GPR33: variants seen among roughly 807,000 people sequenced by gnomAD.
GPR33 encodes probable G protein-coupled receptor 33.
GPR33 carries 4 observed loss-of-function variants against 3.1 expected under a neutral mutation model. The observed-to-expected ratio is 1.29, with a 90% confidence interval of 0.64 to 2.96. The LOEUF (loss-of-function observed/expected upper bound fraction) is 2.96, where lower values mean the gene tolerates loss of function less well. Among genes scored for constraint, GPR33 ranks in the 30% most tolerant of loss-of-function variants. GPR33 has a pLI of 0.01. For missense variants in GPR33, 390 were observed against 388.9 expected, an observed-to-expected ratio of 1.00 and a Z score of -0.02; for synonymous variants, 138 against 142.0, an observed-to-expected ratio of 0.97 and a Z score of 0.20.
At position 31,483,089 on chromosome 14, in the gene GPR33, T is replaced by C. The variant is rs1170320352; in HGVS notation, c.877A>G (p.Ile293Val). ...LTVLTTSFNT[I>V]FSPTLYLFVG... ...AATAAGTAGAGTGTGGGAGAAAAGA[T>C]AGTATTGAAAGAAGTGGTTAGCACT... Residue 293 changes from isoleucine (I) to valine (V), a missense_variant, in exon 2 of 2, where the codon ATC becomes GTC. Ile to Val is a conservative substitution (Grantham distance 29). Transcript: ENST00000399285. 2.6e-6 allele frequency: 4 copies of C among 1,535,930 alleles called. No individual in the cohort carries two copies. Among genetic ancestry groups the C allele is most frequent in the African/African-American group, 2.7e-5 (2 of 73,042 alleles).
intron 1 of GPR33, among the ~76,000 whole-genome samples, chr14:31,484,357 C>T (rs1302040742): frequency 6.6e-6 from 1 of 152,044 alleles, no homozygotes; most frequent in African/African-American, 2.4e-5. Context: ...TTACAGCTCA[C>T]TCAGCCTCAA....
In GPR33 at chr14:31,487,441, T is replaced by TG. The variant is rs573139651; in HGVS notation, c.-7+455_-7+456insC. Among the ~76,000 whole-genome samples the TG allele has an allele frequency of 7.6e-3, 1,008 of 132,208 alleles. 21 individuals are homozygous for TG. Among genetic ancestry groups the TG allele is most frequent in the East Asian group, 0.053 (252 of 4,726 alleles). The allele number at this position is 132,208 out of a possible 152,430, so 86.7% of individuals were successfully genotyped here. ...CCTGCTAAGCCCCTCAGTTTTTTTT[T>TG]TTTTTTTTTTTTTTTTCAGATGGAG... On this transcript the variant is annotated intron_variant, in intron 1 of 1. Transcript: ENST00000399285.
At position 31,485,615 on chromosome 14, in the gene GPR33, G is replaced by C. The variant is rs543035692; in HGVS notation, c.-6-1644C>G. 3.2e-4 allele frequency among the ~76,000 whole-genome samples: 48 copies of C among 148,166 alleles called. No homozygotes were observed. In the East Asian group the frequency reaches 7.8e-3, roughly 24 times the overall value. On this transcript the variant is annotated intron_variant, in intron 1 of 1. Coordinates refer to ENST00000399285, the MANE Select transcript of GPR33 (RefSeq NM_001197184.3). Reference sequence around the variant, plus strand: ...GATGGTGCCCCTGCATTCCAGCCTGGTGACAGAGCGAGACTCTGTCTCAAA... The same window carrying C: ...GATGGTGCCCCTGCATTCCAGCCTGCTGACAGAGCGAGACTCTGTCTCAAA...
At position 31,483,446 on chromosome 14, in the gene GPR33, T is replaced by G; in HGVS notation, c.520A>C (p.Lys174Gln). 1 of 1,536,156 alleles carries G rather than the reference T, an allele frequency of 6.5e-7. No individual in the cohort carries two copies. The highest frequency in any genetic ancestry group is 1.4e-5 in the African/African-American group (1 of 73,176). Reference protein sequence around the residue: ...LIFRETHHDRKGKVTCQNNYA... With the variant: ...LIFRETHHDRQGKVTCQNNYA... ...TTATTTTGGCAAGTCACCTTTCCTT[T>G]ACGGTCATGATGTGTCTCTCTGAAA... The change falls in exon 2 of 2, where the codon AAA becomes CAA. Residue 174 changes from lysine to glutamine, a missense_variant. Coordinates refer to ENST00000399285, the MANE Select transcript of GPR33 (RefSeq NM_001197184.3).
chr14:31,486,435 A>T (rs2032419943), intron 1 of GPR33, among the ~76,000 whole-genome samples: 1 of 152,218 alleles, frequency 6.6e-6, no homozygotes. Flanking sequence ...TCCTAAGTTA[A>T]TTCTGCCTTC....
chr14:31,484,440 C>T (rs898376108), intron 1 of GPR33, among the ~76,000 whole-genome samples: 3 of 151,976 alleles, frequency 2.0e-5, no homozygotes, highest in East Asian at 1.9e-4. Flanking sequence ...ACTACCAGGC[C>T]GGATAATTTT....
intron 1 of GPR33, among the ~76,000 whole-genome samples, chr14:31,487,396 A>G (rs2139381116): frequency 6.7e-6 from 1 of 148,384 alleles, no homozygotes; most frequent in South Asian, 2.1e-4. Context: ...AAGTTCAGAT[A>G]ACTTGTTGAG....
Position 31,483,924 on chromosome 14 carries a change from A to G in GPR33, c.42T>C (p.Ser14=). 6.5e-7 allele frequency: 1 copy of G among 1,535,830 alleles called. No individual in the cohort carries two copies. The highest frequency in any genetic ancestry group is 8.7e-7 in the Non-Finnish European group (1 of 1,146,804). The change falls in exon 2 of 2, where the codon TCT becomes TCC. Residue 14 remains serine (S), a synonymous_variant. Transcript: ENST00000399285. ...ACTGAGTGCTGTTTCTTACTAAAGT[A>G]GAGGCATTGATCAGGTAATCAGTAG... ...INSTDYLINA[S]TLVRNSTQFL...
intron 1 of GPR33, among the ~76,000 whole-genome samples, chr14:31,485,546 A>G (rs2032410198): frequency 6.6e-6 from 1 of 151,326 alleles, no homozygotes; most frequent in Non-Finnish European, 1.5e-5. Flanking sequence ...AGGCAGGACA[A>G]TCGCTTGAAC....
rs1372394212 is a variant in GPR33, at chr14:31,483,845, T to C, written c.121A>G (p.Ile41Val). 3 of 1,536,098 alleles carry C rather than the reference T, an allele frequency of 2.0e-6. No individual in the cohort carries two copies. The highest frequency in any genetic ancestry group is 2.6e-6 in the Non-Finnish European group (3 of 1,146,890). ...IIALSLYISS[I>V]IGTITNGLYL... is the part of the protein sequence containing the mutation. ...AGGCCATTGGTGATGGTACCAATTA[T>C]AGATGAAATGTACAAAGAAAGGGCA... The change falls in exon 2 of 2, where the codon ATA becomes GTA. Residue 41 changes from isoleucine to valine, a missense_variant. Ile to Val is a conservative substitution (Grantham distance 29). Coordinates refer to ENST00000399285, the MANE Select transcript of GPR33 (RefSeq NM_001197184.3).
intron 1 of GPR33, 91 bp from the exon 2 acceptor site, chr14:31,484,062 G>T: frequency 3.1e-6 from 3 of 983,598 alleles, no homozygotes; most frequent in Non-Finnish European, 4.3e-6. Flanking sequence ...TTTACATAGT[G>T]ATACTTCTAG....
intron 1 of GPR33, among the ~76,000 whole-genome samples, chr14:31,487,662 A>G (rs531024318): frequency 5.3e-4 from 80 of 150,058 alleles, no homozygotes; most frequent in African/African-American, 2.0e-3. Flanking sequence ...CTGGTCTTGA[A>G]CTCCTGACCT....
rs1176411123 is a variant in GPR33 at position 31,483,058 on chromosome 14, C to T, written c.908G>A (p.Gly303Glu). The change falls in exon 2 of 2, where the codon GGG (glycine) becomes GAG (glutamate). Residue 303 changes from glycine to glutamate, a missense_variant. Physicochemically the swap from Gly to Glu is moderately conservative, Grantham distance 98. Transcript: ENST00000399285. ...IFSPTLYLFV[G>E]ENFKKVFKKS... is the part of the protein sequence containing the mutation. ...CTTGAAGACCTTTTTGAAATTCTCC[C>T]CAACAAATAAGTAGAGTGTGGGAGA... is the stretch of plus-strand genomic sequence containing the variant. 6.5e-7 allele frequency: 1 copy of T among 1,535,884 alleles called. No homozygotes were observed.
rs1017852581 is a variant in GPR33, at chr14:31,483,400, C to T, written c.566G>A (p.Trp189Ter). The T allele has an allele frequency of 3.3e-6, 5 of 1,536,016 alleles. No individual in the cohort carries two copies. Among genetic ancestry groups the T allele is most frequent in the Middle Eastern group, 1.7e-4 (1 of 6,012 alleles). Residue 189 changes from tryptophan to a stop codon, truncating the protein, a stop_gained, in exon 2 of 2, where the codon TGG (tryptophan) becomes TAG (stop). Coordinates refer to ENST00000399285, the MANE Select transcript of GPR33 (RefSeq NM_001197184.3). LOFTEE classifies it high-confidence loss of function. ...CQNNYAVSTN[W>*]ESKEMQASRQ... is the part of the protein sequence containing the mutation. Reference sequence around the variant, plus strand: ...TGATGCTTGCATCTCCTTGCTTTCCCAGTTAGTAGACACAGCATAGTTATT... The same window carrying T: ...TGATGCTTGCATCTCCTTGCTTTCCTAGTTAGTAGACACAGCATAGTTATT...
At chr14:31,487,202 T>G (rs1325835125) in intron 1 of GPR33, among the ~76,000 whole-genome samples, 2 of 152,214 alleles carry the variant, frequency 1.3e-5, no homozygotes, top group East Asian at 3.8e-4. Context: ...GTAGTGATTC[T>G]GAATATCATA....
rs774591788 is a variant in GPR33 at position 31,483,960 on chromosome 14, A to T, written c.6T>A (p.Asp2Glu). The T allele has an allele frequency of 2.6e-6, 4 of 1,531,766 alleles. No individual in the cohort carries two copies. Among genetic ancestry groups the T allele is most frequent in the Non-Finnish European group, 3.5e-6 (4 of 1,144,890 alleles). 94.9% of individuals were successfully genotyped at this position (1,531,766 alleles called of 1,614,324 possible). The change falls in exon 2 of 2, where the codon GAT (aspartate) becomes GAA (glutamate). Residue 2 changes from aspartate to glutamate, a missense_variant. By Grantham distance (45) the Asp-to-Glu change is conservative. Transcript: ENST00000399285. M[D>E]LINSTDYLIN... ...TCAGGTAATCAGTAGAGTTGATCAGATCCATAATGACCTGTGGAGTGAGAA... is the reference window on the plus strand; with the variant it reads ...TCAGGTAATCAGTAGAGTTGATCAGTTCCATAATGACCTGTGGAGTGAGAA...
Position 31,483,619 on chromosome 14 carries a change from A to G in GPR33, c.347T>C (p.Val116Ala). ...AAGACCGATGGCCGAAAGGAAGAAA[A>G]CAGAGGTGAACATCCCCAGAGACAA... ...GTLSLGMFTS[V>A]FFLSAIGLDR... is the part of the protein sequence containing the mutation. Residue 116 changes from valine (V) to alanine (A), a missense_variant, in exon 2 of 2, where the codon GTT (valine) becomes GCT (alanine). By Grantham distance (64) the Val-to-Ala change is moderately conservative. Transcript: ENST00000399285. 1 of 1,536,192 alleles carries G rather than the reference A, an allele frequency of 6.5e-7. No homozygotes were observed. The highest frequency in any genetic ancestry group is 2.4e-5 in the East Asian group (1 of 40,924).
chr14:31,483,253 A>G lies in GPR33; in HGVS notation c.713T>C (p.Phe238Ser), dbSNP rs905149952. ...VASKVKERSL[F>S]KSSKPFKVMM... ...AACTTTGAAGGGCTTGCTGGATTTA[A>G]ACAGGCTCCTCTCTTTCACCTTGCT... The change falls in exon 2 of 2, where the codon TTT (phenylalanine) becomes TCT (serine). Residue 238 changes from phenylalanine to serine, a missense_variant. Transcript: ENST00000399285. The G allele has an allele frequency of 2.3e-5, 36 of 1,536,060 alleles. No homozygotes were observed. The highest frequency in any genetic ancestry group is 2.8e-5 in the Non-Finnish European group (32 of 1,146,932).
intron 1 of GPR33, among the ~76,000 whole-genome samples, chr14:31,487,437 T>G (rs999736548): frequency 2.4e-5 from 3 of 127,616 alleles, no homozygotes; most frequent in South Asian, 5.6e-4. Flanking sequence ...CCTCAGTTTT[T>G]TTTTTTTTTT....
Sources: gnomAD v4.1 joint callset for allele counts (sites outside exome capture counted in the v4.1 genomes callset) on GRCh38, gnomAD v4.1.1 for gene constraint, MANE v1.5 for transcripts, NCBI Gene and HGNC (gene_info 2026-07-23, HGNC 2026-07-21) for gene names.